Variants in NOX4 observed in about 807,000 individuals in gnomAD.
The protein encoded by NOX4 is NADPH oxidase 4.
A neutral mutation model predicts 87.6 loss-of-function variants in NOX4; 69 were observed. That is an observed-to-expected ratio of 0.79 (90% confidence interval 0.65 to 0.96). The LOEUF (loss-of-function observed/expected upper bound fraction) is 0.96. NOX4 is among the 40% of genes least tolerant of loss of function. The pLI, the probability that NOX4 is intolerant of heterozygous loss-of-function variation, is 0.00. For synonymous variants in NOX4, 275 were observed against 238.2 expected, an observed-to-expected ratio of 1.15 and a Z score of -1.42; for missense variants, 680 against 681.5, an observed-to-expected ratio of 1.00 and a Z score of 0.02.
At chr11:89,437,091 A>C (rs1944114623) in intron 6 of NOX4, among the ~76,000 whole-genome samples, 1 of 152,066 alleles carries the variant, frequency 6.6e-6, no homozygotes, top group Non-Finnish European at 1.5e-5. Flanking sequence ...AGCTGGGCGC[A>C]GTGGCTCACG....
the NOX4 span, among the ~76,000 whole-genome samples, chr11:89,576,526 C>T: frequency 6.6e-6 from 1 of 152,156 alleles, no homozygotes; most frequent in Non-Finnish European, 1.5e-5. Flanking sequence ...TTAAATCTAG[C>T]TTCTTCTTAT....
At chr11:89,392,876 A>T (rs1333409226) in intron 11 of NOX4, among the ~76,000 whole-genome samples, 1 of 152,182 alleles carries the variant, frequency 6.6e-6, no homozygotes, top group Non-Finnish European at 1.5e-5. Flanking sequence ...GATGATGTTT[A>T]TATGAGTACT....
At chr11:89,552,071 T>A in the NOX4 span, among the ~76,000 whole-genome samples, 1 of 152,212 alleles carries the variant, frequency 6.6e-6, no homozygotes, top group Non-Finnish European at 1.5e-5. Flanking sequence ...ATTCTACTTT[T>A]CTTTTCCAGA....
intron 2 of NOX4, among the ~76,000 whole-genome samples, chr11:89,486,281 A>T (rs1946589958): frequency 1.3e-5 from 2 of 148,368 alleles, no homozygotes; most frequent in African/African-American, 4.9e-5. Flanking sequence ...TTAAATAAAT[A>T]AATAAATAAA....
At chr11:89,409,570 A>G (rs891463647) in intron 8 of NOX4, among the ~76,000 whole-genome samples, 10 of 152,090 alleles carry the variant, frequency 6.6e-5, no homozygotes, top group Non-Finnish European at 1.5e-4. Flanking sequence ...CCCTACTGCC[A>G]ACTGGCTTAC....
chr11:89,569,999 CT>C, the NOX4 span, among the ~76,000 whole-genome samples: 8,778 of 114,078 alleles, frequency 0.077, 298 homozygotes, highest in Non-Finnish European at 0.11. Flanking sequence ...GAGACTCTGT[CT>C]CAAAAAAAAA....
chr11:89,561,113 C>T, the NOX4 span, among the ~76,000 whole-genome samples: 3 of 126,974 alleles, frequency 2.4e-5, no homozygotes, highest in Non-Finnish European at 4.9e-5. Context: ...CCCTGAAGAA[C>T]CCTAACACAG....
the NOX4 span, chr11:89,548,431 C>T: frequency 6.6e-6 from 1 of 152,218 alleles, no homozygotes; most frequent in African/African-American, 2.4e-5. Context: ...AAATAAATTT[C>T]TATCATTTAC....
At chr11:89,458,397 C>A (rs11828840) in intron 2 of NOX4, among the ~76,000 whole-genome samples, 1 of 152,050 alleles carries the variant, frequency 6.6e-6, no homozygotes, top group African/African-American at 2.4e-5. Context: ...AGGACATAGA[C>A]CTTGGCAAAG....
intron 7 of NOX4, among the ~76,000 whole-genome samples, chr11:89,428,513 G>A (rs1943582312): frequency 6.6e-6 from 1 of 151,884 alleles, no homozygotes; most frequent in South Asian, 2.1e-4. Context: ...TAAAGGGATG[G>A]AGGAAGATCT....
intron 2 of NOX4, among the ~76,000 whole-genome samples, chr11:89,457,085 G>C (rs1234970386): frequency 2.6e-5 from 4 of 152,246 alleles, no homozygotes; most frequent in African/African-American, 9.6e-5. Context: ...TTGTTGAAGA[G>C]CTCCAGTAGA....
intron 11 of NOX4, among the ~76,000 whole-genome samples, chr11:89,385,311 T>C (rs1940620252): frequency 6.6e-6 from 1 of 152,182 alleles, no homozygotes; most frequent in African/African-American, 2.4e-5. Context: ...GCAAGGGTCA[T>C]CAAAAGGCAT....
upstream of NOX4, chr11:89,499,259 T>G (rs1238786907): frequency 2.6e-5 from 4 of 152,164 alleles, no homozygotes; most frequent in African/African-American, 9.7e-5. Flanking sequence ...AACTAGAGGC[T>G]GCACTGGTGT....
At chr11:89,528,880 ACT>A in the NOX4 span, among the ~76,000 whole-genome samples, 1 of 152,306 alleles carries the variant, frequency 6.6e-6, no homozygotes, top group South Asian at 2.1e-4. Flanking sequence ...TATCTTTATC[ACT>A]ATAACTTGAA....
Position 89,340,144 on chromosome 11 carries a change from T to C in NOX4, c.1365A>G (p.Arg455=). The stretch of plus-strand genomic sequence containing the variant: ...TGCATACCCAAATAAAGTATAGTCT[T>C]CTAAGCTTGTATGGTTTCCAGTCAT... ...LLDDWKPYKL[R]RLYFIWVCRD... is the part of the protein sequence containing the mutation. The change falls in exon 15 of 18, where the codon AGA becomes AGG. Residue 455 remains arginine, a synonymous_variant. Transcript: ENST00000263317. 3.8e-6 allele frequency: 6 copies of C among 1,597,610 alleles called. No individual in the cohort carries two copies. Among genetic ancestry groups the C allele is most frequent in the Non-Finnish European group, 5.1e-6 (6 of 1,174,068 alleles).
At chr11:89,371,651 C>T (rs1939451031) in intron 12 of NOX4, among the ~76,000 whole-genome samples, 1 of 151,534 alleles carries the variant, frequency 6.6e-6, no homozygotes, top group Non-Finnish European at 1.5e-5. Context: ...CAGAAAAGAA[C>T]TTTCCTTATT....
At chr11:89,328,365 G>A (rs941620751) in intron 17 of NOX4, among the ~76,000 whole-genome samples, 2 of 152,108 alleles carry the variant, frequency 1.3e-5, no homozygotes, top group Non-Finnish European at 2.9e-5. Context: ...CAGGGCAATG[G>A]GTTGTATTCT....
chr11:89,466,978 G>T (rs1396251334), intron 2 of NOX4, among the ~76,000 whole-genome samples: 1 of 152,144 alleles, frequency 6.6e-6, no homozygotes, highest in East Asian at 1.9e-4. Context: ...GTTTCATTTG[G>T]AAATGAAGGG....
intron 8 of NOX4, among the ~76,000 whole-genome samples, chr11:89,418,240 G>A (rs182033325): frequency 0.035 from 5,242 of 151,682 alleles, 319 homozygotes; most frequent in African/African-American, 0.12. Context: ...AGAACATTTA[G>A]TTTGGTGTAA....
Sources: gnomAD v4.1 joint callset for allele counts (sites outside exome capture counted in the v4.1 genomes callset) on GRCh38, gnomAD v4.1.1 for gene constraint, MANE v1.5 for transcripts, NCBI Gene and HGNC (gene_info 2026-07-23, HGNC 2026-07-21) for gene names.